Variants in AFF2 observed in about 807,000 individuals in gnomAD.
The protein encoded by AFF2 is ALF transcription elongation factor 2.
Under a neutral mutation model 76.9 loss-of-function variants are expected in AFF2, and 14 were observed. That is an observed-to-expected ratio of 0.18 (90% CI 0.12 to 0.28). The LOEUF is 0.28. Among genes scored for constraint, AFF2 ranks in the 10% least tolerant of loss-of-function variants. The pLI, the probability that AFF2 is intolerant of heterozygous loss-of-function variation, is 1.00. For synonymous variants in AFF2, 398 were observed against 366.7 expected (o/e 1.09, Z -0.98); for missense variants, 868 against 1,001.1 (o/e 0.87, Z 1.79).
rs996778641 is a variant in AFF2, at chrX:148,992,731, C to G, written c.*1399C>G. 13 of 112,039 alleles carry G rather than the reference C, an allele frequency of 1.2e-4. No homozygotes were observed. The highest frequency in any genetic ancestry group is 3.9e-4 in the African/African-American group (12 of 30,702). 9.2% of individuals were successfully genotyped at this position (112,039 alleles called of 1,213,427 possible). On this transcript the variant is annotated 3_prime_UTR_variant, in exon 21 of 21. Coordinates refer to ENST00000370460, the MANE Select transcript of AFF2 (RefSeq NM_002025.4). ...CATTTCTCACTGGTTGTGACTACCC[C>G]CTTATGATCCTTCACATTCATTTTA...
intron 8 of AFF2, among the ~76,000 whole-genome samples, chrX:148,893,642 G>T (rs1214512800): frequency 4.5e-5 from 5 of 111,990 alleles, no homozygotes; most frequent in Non-Finnish European, 7.5e-5. Flanking sequence ...ACTGGTGAGG[G>T]TATGTTGTTT....
At chrX:148,882,434 A>G (rs1010259049) in intron 7 of AFF2, among the ~76,000 whole-genome samples, 1 of 112,213 alleles carries the variant, frequency 8.9e-6, no homozygotes, top group South Asian at 3.7e-4. Context: ...CAGCATTTTT[A>G]CACCAAGATG....
rs1270073445 is a variant in AFF2 at position 148,955,717 on chromosome X, C to T, written c.1672C>T (p.Leu558=). The T allele has an allele frequency of 6.6e-6, 8 of 1,209,938 alleles. No individual in the cohort carries two copies. The African/African-American group carries it at 1.2e-4, about 19-fold the overall frequency. Reference sequence around the variant, plus strand: ...TGAAACACCCATGGAGACTATTTCTCTGCCTCCTCCAATCATCCAACCAAT... The same window carrying T: ...TGAAACACCCATGGAGACTATTTCTTTGCCTCCTCCAATCATCCAACCAAT... ...QNETPMETIS[L]PPPIIQPMEV... Residue 558 remains leucine, a synonymous_variant, in exon 11 of 21, where the codon CTG becomes TTG. Transcript: ENST00000370460.
rs888025025 is a variant in AFF2 at position 148,837,198 on chromosome X, A to G, written c.1087-449A>G. Among the ~76,000 whole-genome samples, 5 of 111,865 alleles carry G rather than the reference A, an allele frequency of 4.5e-5. No homozygotes were observed. The East Asian group carries it at 1.4e-3, about 32-fold the overall frequency. On this transcript the variant is annotated intron_variant, in intron 4 of 20. Coordinates refer to ENST00000370460, the MANE Select transcript of AFF2 (RefSeq NM_002025.4). ...ACAGTGTACAGAAATTGAGCATTAG[A>G]AGAAAAGTTGAAGGTTCCCAATAAA...
chrX:148,563,676 G>T (rs964540289), intron 1 of AFF2, among the ~76,000 whole-genome samples: 23 of 112,258 alleles, frequency 2.0e-4, no homozygotes, highest in African/African-American at 7.4e-4. Flanking sequence ...TGCCAAGTAA[G>T]TTTTATCTCT....
chrX:148,543,334 C>T (rs1476485306), intron 1 of AFF2, among the ~76,000 whole-genome samples: 1 of 111,699 alleles, frequency 9.0e-6, no homozygotes, highest in African/African-American at 3.3e-5. Flanking sequence ...GTTCTTTTGC[C>T]TTACTTTTAC....
intron 3 of AFF2, among the ~76,000 whole-genome samples, chrX:148,772,394 A>C (rs782309652): frequency 1.8e-5 from 2 of 112,074 alleles, no homozygotes; most frequent in African/African-American, 3.2e-5. Flanking sequence ...GGATGTTTGA[A>C]ATTTAGAATC....
Position 148,978,568 on chromosome X carries a change from C to A in AFF2, c.3570+113C>A, listed in dbSNP as rs1245692390. 5 of 532,470 alleles carry A rather than the reference C, an allele frequency of 9.4e-6. No individual in the cohort carries two copies. The African/African-American group carries it at 1.2e-4, about 12-fold the overall frequency. 43.9% of individuals were successfully genotyped at this position (532,470 alleles called of 1,213,427 possible). Reference sequence around the variant, plus strand: ...GCCAAAGGCTTAACCTCTCTCCTCCCTGCTGGCCATGGCCGTCCTACCCTT... The same window carrying A: ...GCCAAAGGCTTAACCTCTCTCCTCCATGCTGGCCATGGCCGTCCTACCCTT... On this transcript the variant is annotated intron_variant, in intron 18 of 20. Coordinates refer to ENST00000370460, the MANE Select transcript of AFF2 (RefSeq NM_002025.4).
chrX:148,565,483 G>A (rs974501970), intron 1 of AFF2, among the ~76,000 whole-genome samples: 1 of 111,272 alleles, frequency 9.0e-6, no homozygotes, highest in East Asian at 2.8e-4. Flanking sequence ...ATTGTCATTC[G>A]AGTATGTTAG....
intron 9 of AFF2, among the ~76,000 whole-genome samples, chrX:148,922,838 G>A (rs988511145): frequency 9.0e-6 from 1 of 111,177 alleles, no homozygotes; most frequent in Non-Finnish European, 1.9e-5. Context: ...CCTGATATTC[G>A]AAGTCAATCA....
At chrX:148,747,403 A>G (rs947725319) in intron 3 of AFF2, among the ~76,000 whole-genome samples, 2 of 111,806 alleles carry the variant, frequency 1.8e-5, no homozygotes, top group Non-Finnish European at 3.8e-5. Flanking sequence ...TGAAGGATAC[A>G]GGTACAACCT....
intron 1 of AFF2, among the ~76,000 whole-genome samples, chrX:148,576,868 T>A (rs1211038327): frequency 9.0e-6 from 1 of 110,897 alleles, no homozygotes; most frequent in Non-Finnish European, 1.9e-5. Flanking sequence ...TTTTATATTT[T>A]TGTGTTTGAA....
In AFF2 at chrX:148,693,063, C is replaced by A. The variant is rs183473525; in HGVS notation, c.1041+30295C>A. 4.7e-3 allele frequency among the ~76,000 whole-genome samples: 521 copies of A among 111,123 alleles called. 13 individuals are homozygous for A. The highest frequency in any genetic ancestry group is 0.043 in the Admixed American group (446 of 10,482). ...CCTTCCGAGTAGCTGGGACTACAGGCGCCTGCCACCAGGCTGGCTAATTTT... is the reference window on the plus strand; with the variant it reads ...CCTTCCGAGTAGCTGGGACTACAGGAGCCTGCCACCAGGCTGGCTAATTTT... On this transcript the variant is annotated intron_variant, in intron 3 of 20. Coordinates refer to ENST00000370460, the MANE Select transcript of AFF2 (RefSeq NM_002025.4).
chrX:148,517,995 C>A (rs1488634799), intron 1 of AFF2, among the ~76,000 whole-genome samples: 1 of 105,340 alleles, frequency 9.5e-6, no homozygotes, highest in Non-Finnish European at 2.0e-5. Flanking sequence ...TGCACTCCAG[C>A]CTGGGCGACA....
At chrX:148,767,347 G>A (rs2069531700) in intron 3 of AFF2, among the ~76,000 whole-genome samples, 1 of 111,708 alleles carries the variant, frequency 9.0e-6, no homozygotes, top group Non-Finnish European at 1.9e-5. Flanking sequence ...AGAAGATGAT[G>A]TCATGGAAGA....
At chrX:148,506,315 C>G (rs1287985812) in intron 1 of AFF2, among the ~76,000 whole-genome samples, 1 of 111,518 alleles carries the variant, frequency 9.0e-6, no homozygotes, top group Non-Finnish European at 1.9e-5. Flanking sequence ...TTAGAATGTT[C>G]AGGGGTTCTT....
chrX:148,581,028 T>TATATACACAC (rs1491375237), intron 1 of AFF2, among the ~76,000 whole-genome samples: 3 of 92,943 alleles, frequency 3.2e-5, no homozygotes, highest in African/African-American at 1.5e-4. Flanking sequence ...AACATATGTG[T>TATATACACAC]ATATATACAC....
intron 3 of AFF2, among the ~76,000 whole-genome samples, chrX:148,664,894 G>A (rs2054343137): frequency 1.8e-5 from 2 of 112,269 alleles, no homozygotes; most frequent in African/African-American, 6.5e-5. Flanking sequence ...CTCCTGTTCT[G>A]TCATTGAGAA....
rs142949073 is a variant in AFF2 at position 148,603,571 on chromosome X, C to T, written c.48-48428C>T. Among the ~76,000 whole-genome samples the T allele has an allele frequency of 3.7e-3, 402 of 109,817 alleles. 1 individual carries two copies. The highest frequency in any genetic ancestry group is 0.012 in the African/African-American group (350 of 30,237). ...GGGGAGACTTTGAGATGTTTATCAT[C>T]ATCTTTGAAATTACTAGTTTTGCCA... is the stretch of plus-strand genomic sequence containing the variant. On this transcript the variant is annotated intron_variant, in intron 1 of 20. Transcript: ENST00000370460.
Sources: allele counts gnomAD v4.1 joint callset (sites outside exome capture counted in the v4.1 genomes callset), GRCh38; gene constraint gnomAD v4.1.1; transcripts MANE v1.5; gene names NCBI Gene and HGNC (gene_info 2026-07-23, HGNC 2026-07-21).